The following DAGLA variants were observed in gnomAD, a reference collection of about 807,000 sequenced individuals.
The protein encoded by DAGLA is diacylglycerol lipase alpha.
Under a neutral mutation model 102.6 loss-of-function variants are expected in DAGLA, and 22 were observed. That is an observed-to-expected ratio of 0.21 (90% CI 0.15 to 0.31). The LOEUF is 0.31. Ranked by LOEUF, DAGLA falls within the 10% of genes least tolerant of loss-of-function variation. The probability of loss-of-function intolerance (pLI) is 1.00; values close to 1 mark genes in which losing one functional copy is unlikely to be tolerated. For missense variants in DAGLA, 927 were observed against 1,446.6 expected, an observed-to-expected ratio of 0.64 and a Z score of 5.83; for synonymous variants, 578 against 628.9, an observed-to-expected ratio of 0.92 and a Z score of 1.21.
At position 61,734,370 on chromosome 11, in the gene DAGLA, G is replaced by A. The variant is rs1167164400; in HGVS notation, c.975-479G>A. Among the ~76,000 whole-genome samples the A allele has an allele frequency of 6.6e-6, 1 of 152,060 alleles. No individual in the cohort carries two copies. The highest frequency in any genetic ancestry group is 1.5e-5 in the Non-Finnish European group (1 of 68,006). On this transcript the variant is annotated intron_variant, in intron 9 of 19. Transcript: ENST00000257215. The surrounding 1 kb of genome is among the most constrained non-coding windows in gnomAD (Gnocchi z 4.2). ...GTACACAAGCAGGGAAGGGGTTTGAGAGCTGGCAGGGTGTCAGGTGTCCGA... is the reference window on the plus strand; with the variant it reads ...GTACACAAGCAGGGAAGGGGTTTGAAAGCTGGCAGGGTGTCAGGTGTCCGA...
In DAGLA at chr11:61,738,135, G is replaced by A. The variant is rs375778772; in HGVS notation, c.1584G>A (p.Arg528=). Residue 528 remains arginine (R), a splice_region_variant and synonymous_variant, in exon 16 of 20, where the codon AGG becomes AGA. Coordinates refer to ENST00000257215, the MANE Select transcript of DAGLA (RefSeq NM_006133.3). ...CGGCCCTGTCTCGTTCCCTCCCCAG[G>A]ATTGGCCTCTCTCAGCTGGAAGGCT... is the stretch of plus-strand genomic sequence containing the variant. ...AVVLGKDLVP[R]IGLSQLEGFR... is the part of the protein sequence containing the mutation. 6.8e-6 allele frequency: 11 copies of A among 1,613,404 alleles called. No homozygotes were observed. The African/African-American group carries it at 1.5e-4, about 22-fold the overall frequency.
chr11:61,728,458 T>C (rs80220930), intron 7 of DAGLA, among the ~76,000 whole-genome samples, 171 bp downstream of exon 7: 187 of 152,338 alleles, frequency 1.2e-3, no homozygotes, highest in Admixed American at 2.6e-3. Flanking sequence ...CCTGCCTTCC[T>C]GAGCTTGTCC....
In DAGLA at chr11:61,740,460, C is replaced by T. The variant is rs1484719615; in HGVS notation, c.1854-3C>T. 4 of 1,613,246 alleles carry T rather than the reference C, an allele frequency of 2.5e-6. No individual in the cohort carries two copies. Among genetic ancestry groups the T allele is most frequent in the Non-Finnish European group, 2.5e-6 (3 of 1,179,818 alleles). ...AACTCCCCTCTGTCCATGTCCCTCT[C>T]AGCTGCTGTGAGCAGGAGGAGCCCA... On this transcript the variant is annotated splice_region_variant and splice_polypyrimidine_tract_variant and intron_variant, in intron 17 of 19. Coordinates refer to ENST00000257215, the MANE Select transcript of DAGLA (RefSeq NM_006133.3).
chr11:61,720,694 C>A lies in DAGLA; in HGVS notation c.111C>A (p.Ser37=). 1 of 1,613,786 alleles carries A rather than the reference C, an allele frequency of 6.2e-7. No homozygotes were observed. The highest frequency in any genetic ancestry group is 1.7e-5 in the Admixed American group (1 of 60,020). The change falls in exon 3 of 20, where the codon TCC becomes TCA. Residue 37 remains serine, a synonymous_variant. Transcript: ENST00000257215. ...CCTGTGACAGGTTTGTGATCCTGTC[C>A]GTGGTGCTCTTCGGCCTGGTCTATA... is the stretch of plus-strand genomic sequence containing the variant. ...LLHTTWFVIL[S]VVLFGLVYNP... is the part of the protein sequence containing the mutation.
rs1315979374 is a variant in DAGLA, at chr11:61,723,666, C to T, written c.548+94C>T. On this transcript the variant is annotated intron_variant, in intron 5 of 19. Transcript: ENST00000257215. ...CTTCAGAAGGCTACCCCAGGCCTCC[C>T]AGACTGCATGCCAACCTCGTGTGAG... 2.0e-6 allele frequency: 3 copies of T among 1,505,652 alleles called. No individual in the cohort carries two copies. The Admixed American group carries it at 5.5e-5, about 28-fold the overall frequency. The allele number at this position is 1,505,652 out of a possible 1,614,324, so 93.3% of individuals were successfully genotyped here.
intron 1 of DAGLA, among the ~76,000 whole-genome samples, chr11:61,705,608 T>C (rs980986101): frequency 1.1e-4 from 16 of 152,230 alleles, no homozygotes. Flanking sequence ...AGGATTTTTC[T>C]TTGTTGTATG....
rs1280428686 is a variant in DAGLA at position 61,723,708 on chromosome 11, A to G, written c.548+136A>G. On this transcript the variant is annotated intron_variant, in intron 5 of 19. Transcript: ENST00000257215. ...TCGTGTGAGCCGTGGGCATTAGTCA[A>G]AGGGCTTAACTGCTCCCTGCCTCAG... 3.6e-6 allele frequency: 4 copies of G among 1,120,182 alleles called. No homozygotes were observed. The African/African-American group carries it at 6.2e-5, about 17-fold the overall frequency. 69.4% of individuals were successfully genotyped at this position (1,120,182 alleles called of 1,614,324 possible).
At chr11:61,700,915 C>T (rs1331304098) in intron 1 of DAGLA, among the ~76,000 whole-genome samples, 3 of 152,224 alleles carry the variant, frequency 2.0e-5, no homozygotes, top group African/African-American at 7.2e-5. Flanking sequence ...GGCCCCGGGC[C>T]AGGCACTTGG....
intron 10 of DAGLA, among the ~76,000 whole-genome samples, chr11:61,735,347 A>T (rs1322559752): frequency 1.3e-5 from 2 of 152,120 alleles, no homozygotes; most frequent in Non-Finnish European, 2.9e-5. Flanking sequence ...GGGCTGCCAG[A>T]GCCAGCAAGG....
At chr11:61,719,369 G>A (rs1391566072) in intron 1 of DAGLA, among the ~76,000 whole-genome samples, 2 of 152,140 alleles carry the variant, frequency 1.3e-5, no homozygotes, top group Non-Finnish European at 2.9e-5. Context: ...AGTGTGGGGT[G>A]GAAGGTGTCC....
Position 61,739,586 on chromosome 11 carries a change from T to C in DAGLA, c.1778T>C (p.Leu593Pro). 6.2e-7 allele frequency: 1 copy of C among 1,614,046 alleles called. No homozygotes were observed. Among genetic ancestry groups the C allele is most frequent in the Non-Finnish European group, 8.5e-7 (1 of 1,179,998 alleles). Reference sequence around the variant, plus strand: ...CACCCCAGCGACCTAACTATAGCCCTCTCAGCCAGCACTCCACTCTACCCG... The same window carrying C: ...CACCCCAGCGACCTAACTATAGCCCCCTCAGCCAGCACTCCACTCTACCCG... ...WTHPSDLTIA[L>P]SASTPLYPPG... Residue 593 changes from leucine (L) to proline (P), a missense_variant, in exon 17 of 20, where the codon CTC (leucine) becomes CCC (proline). By Grantham distance (98) the Leu-to-Pro change is moderately conservative. This residue lies in a region of DAGLA where 218 missense variants were observed against 459.6 expected (regional missense o/e 0.47). Coordinates refer to ENST00000257215, the MANE Select transcript of DAGLA (RefSeq NM_006133.3).
intron 1 of DAGLA, among the ~76,000 whole-genome samples, chr11:61,709,993 G>GCA (rs1397415504): frequency 3.9e-5 from 6 of 152,194 alleles, no homozygotes; most frequent in Admixed American, 3.3e-4. Context: ...AGAGGAGGCA[G>GCA]CAGGACCAGG....
chr11:61,689,191 C>A (rs538277751), intron 1 of DAGLA, among the ~76,000 whole-genome samples: 1 of 152,396 alleles, frequency 6.6e-6, no homozygotes, highest in East Asian at 1.9e-4. Flanking sequence ...TGCCCCGCTG[C>A]AGTTTTGGGG....
chr11:61,725,677 G>T (rs2135587693), intron 5 of DAGLA, among the ~76,000 whole-genome samples: 1 of 152,286 alleles, frequency 6.6e-6, no homozygotes, highest in Non-Finnish European at 1.5e-5. Context: ...CCCAGAGCCT[G>T]CCTGTGTTCA....
At position 61,686,648 on chromosome 11, in the gene DAGLA, C is replaced by G. The variant is rs1048811147; in HGVS notation, c.-45+6144C>G. ...CCTGGAGACGGTCCTGGCCAGGGAG[C>G]CTGCGGCTCTGGGGTGGAGGTCGGG... On this transcript the variant is annotated intron_variant, in intron 1 of 19. Transcript: ENST00000257215. The surrounding 1 kb of genome is among the most constrained non-coding windows in gnomAD (Gnocchi z 5.2). 2.0e-5 allele frequency among the ~76,000 whole-genome samples: 3 copies of G among 152,312 alleles called. No individual in the cohort carries two copies. Among genetic ancestry groups the G allele is most frequent in the Admixed American group, 1.3e-4 (2 of 15,300 alleles).
chr11:61,727,293 T>A (rs757897154), intron 6 of DAGLA, among the ~76,000 whole-genome samples: 29 of 152,268 alleles, frequency 1.9e-4, no homozygotes, highest in Admixed American at 5.9e-4. Context: ...GGGCCTCCGG[T>A]CAGCTGGAGC....
At chr11:61,694,125 G>A (rs1022905887) in intron 1 of DAGLA, among the ~76,000 whole-genome samples, 9 of 152,250 alleles carry the variant, frequency 5.9e-5, no homozygotes, top group Non-Finnish European at 1.0e-4. Flanking sequence ...ACCTTGGCAC[G>A]TCAGCATTCC....
intron 3 of DAGLA, 135 bp downstream of exon 3, chr11:61,721,025 C>T (rs1005510771): frequency 8.7e-6 from 7 of 800,682 alleles, no homozygotes; most frequent in Non-Finnish European, 1.4e-5. Context: ...CTAAGGCCTT[C>T]TGTAGCTTAC....
chr11:61,742,888 G>T (rs998250807), intron 19 of DAGLA, among the ~76,000 whole-genome samples: 1 of 151,232 alleles, frequency 6.6e-6, no homozygotes. Context: ...GGGGCAGCCA[G>T]TCTATCAGAG....
Sources: gnomAD v4.1 joint callset for allele counts (sites outside exome capture counted in the v4.1 genomes callset) on GRCh38, gnomAD v4.1.1 for gene constraint, gnomAD v4.1.1 regional missense constraint, Gnocchi (gnomAD v3.1) non-coding constraint, MANE v1.5 for transcripts, NCBI Gene and HGNC (gene_info 2026-07-23, HGNC 2026-07-21) for gene names.